Variants in PIP5K1B observed in about 807,000 individuals in gnomAD.
PIP5K1B encodes phosphatidylinositol 4-phosphate 5-kinase type-1 beta.
A neutral mutation model predicts 67.0 loss-of-function variants in PIP5K1B; 42 were observed. That is an observed-to-expected ratio of 0.63 (90% CI 0.49 to 0.81). The LOEUF (loss-of-function observed/expected upper bound fraction) is 0.81. PIP5K1B is among the 30% of genes least tolerant of loss of function. The probability of loss-of-function intolerance (pLI) is 0.00; values close to 1 mark genes in which losing one functional copy is unlikely to be tolerated. For missense variants in PIP5K1B, 459 were observed against 646.3 expected (o/e 0.71, Z 3.14); for synonymous variants, 214 against 231.4 (o/e 0.92, Z 0.68).
At chr9:68,934,311 C>T (rs187872366) in intron 12 of PIP5K1B, among the ~76,000 whole-genome samples, 40 of 152,254 alleles carry the variant, frequency 2.6e-4, no homozygotes, top group Admixed American at 1.0e-3. Context: ...ATACGTCTGA[C>T]ATAAAACCAT....
chr9:68,939,125 G>A lies in PIP5K1B; in HGVS notation c.1358-1521G>A, dbSNP rs116193177. Among the ~76,000 whole-genome samples, 1,082 of 152,246 alleles carry A rather than the reference G, an allele frequency of 7.1e-3. 16 individuals carry two copies. The highest frequency in any genetic ancestry group is 0.024 in the African/African-American group (1,017 of 41,530). On this transcript the variant is annotated intron_variant, in intron 13 of 15. Coordinates refer to ENST00000265382, the MANE Select transcript of PIP5K1B (RefSeq NM_003558.4). ...AATTTACAAGAGTGTGGGTCATTACGGGTCATCTTAGAGTTCTACCTACGA... is the reference window on the plus strand; with the variant it reads ...AATTTACAAGAGTGTGGGTCATTACAGGTCATCTTAGAGTTCTACCTACGA...
intron 14 of PIP5K1B, among the ~76,000 whole-genome samples, chr9:68,981,427 T>C (rs1004100590): frequency 1.1e-4 from 12 of 110,040 alleles, no homozygotes; most frequent in African/African-American, 4.3e-4. Context: ...CAGAAAATAT[T>C]AAAAGAGAAA....
Position 68,840,963 on chromosome 9 carries a change from A to T in PIP5K1B, c.69+18280A>T, listed in dbSNP as rs1299920259. ...CTCTGTGCATCTGCAGCTCTTTGTT[A>T]TGCCTTTGTCATTACTGTCAGTCTG... On this transcript the variant is annotated intron_variant, in intron 4 of 15. Coordinates refer to ENST00000265382, the MANE Select transcript of PIP5K1B (RefSeq NM_003558.4). Among the ~76,000 whole-genome samples the T allele has an allele frequency of 2.0e-5, 3 of 152,296 alleles. No individual in the cohort carries two copies. In the East Asian group the frequency reaches 5.8e-4, roughly 29 times the overall value.
intron 8 of PIP5K1B, 37 bp downstream of exon 8, chr9:68,894,675 C>T: frequency 6.3e-7 from 1 of 1,585,710 alleles, no homozygotes; most frequent in Non-Finnish European, 8.6e-7. Context: ...CCTTTGAACT[C>T]TGTGCTCATG....
intron 15 of PIP5K1B, among the ~76,000 whole-genome samples, chr9:68,992,002 G>A (rs1446376592): frequency 6.6e-6 from 1 of 151,934 alleles, no homozygotes; most frequent in Non-Finnish European, 1.5e-5. Context: ...TTTTGCTCTT[G>A]TTGCCCAGGC....
chr9:68,812,695 A>C (rs1279325223), intron 2 of PIP5K1B, among the ~76,000 whole-genome samples: 1 of 152,232 alleles, frequency 6.6e-6, no homozygotes, highest in African/African-American at 2.4e-5. Context: ...CCACTGTCCA[A>C]TTCTTATCAA....
intron 8 of PIP5K1B, among the ~76,000 whole-genome samples, chr9:68,915,388 C>G (rs1005137649): frequency 2.0e-5 from 3 of 152,228 alleles, no homozygotes; most frequent in Non-Finnish European, 4.4e-5. Context: ...GGTTAAGGCC[C>G]TTCTACCACT....
At chr9:69,000,128 TTG>T (rs1191455020) in intron 15 of PIP5K1B, among the ~76,000 whole-genome samples, 1 of 152,140 alleles carries the variant, frequency 6.6e-6, no homozygotes, top group African/African-American at 2.4e-5. Context: ...CCAGTTCTGC[TTG>T]AGCCTTTTTG....
intron 6 of PIP5K1B, among the ~76,000 whole-genome samples, chr9:68,879,901 G>T (rs1032018303): frequency 6.6e-6 from 1 of 152,192 alleles, no homozygotes; most frequent in African/African-American, 2.4e-5. Context: ...TAGCTTAATT[G>T]AGCCATTCCA....
intron 12 of PIP5K1B, among the ~76,000 whole-genome samples, chr9:68,924,947 A>G (rs1162057114): frequency 6.6e-6 from 1 of 152,156 alleles, no homozygotes; most frequent in Non-Finnish European, 1.5e-5. Flanking sequence ...TCTATACTTT[A>G]TGTATTTACG....
chr9:68,749,809 C>G (rs1829530192), intron 2 of PIP5K1B, among the ~76,000 whole-genome samples: 1 of 152,140 alleles, frequency 6.6e-6, no homozygotes, highest in Non-Finnish European at 1.5e-5. Context: ...GTAGTTCCTT[C>G]CCCCTAGTTA....
chr9:68,978,566 G>A (rs1436879769), intron 14 of PIP5K1B, among the ~76,000 whole-genome samples: 1 of 152,214 alleles, frequency 6.6e-6, no homozygotes, highest in Non-Finnish European at 1.5e-5. Context: ...AGCTCCCTAA[G>A]TTGGTGTTCT....
In PIP5K1B at chr9:68,932,994, G is replaced by A. The variant is rs1827075670; in HGVS notation, c.1202-1896G>A. 2.0e-5 allele frequency among the ~76,000 whole-genome samples: 3 copies of A among 152,108 alleles called. No individual in the cohort carries two copies. In the South Asian group the frequency reaches 6.2e-4, roughly 32 times the overall value. ...GCATGCCTGTAATCCCAGCTACTCA[G>A]GAAGCTGAGGCAGGAGAATTGCTTG... On this transcript the variant is annotated intron_variant, in intron 12 of 15. Coordinates refer to ENST00000265382, the MANE Select transcript of PIP5K1B (RefSeq NM_003558.4).
intron 14 of PIP5K1B, among the ~76,000 whole-genome samples, chr9:68,986,498 C>T (rs1399185926): frequency 6.6e-6 from 1 of 151,928 alleles, no homozygotes; most frequent in Non-Finnish European, 1.5e-5. Context: ...TCTCGATGAG[C>T]CTCATTTTTG....
At position 69,008,478 on chromosome 9, in the gene PIP5K1B, G is replaced by T. The variant is rs1302514664; in HGVS notation, c.*29G>T. On this transcript the variant is annotated 3_prime_UTR_variant, in exon 16 of 16. Transcript: ENST00000265382. ...AAAATGGTGATCACCTAAGCACATG[G>T]ATGAGACGTGAGCACAGTTATGGCA... 3.7e-6 allele frequency: 6 copies of T among 1,611,552 alleles called. No individual in the cohort carries two copies. The East Asian group carries it at 1.3e-4, about 36-fold the overall frequency.
At chr9:68,992,948 G>C (rs1171700925) in intron 15 of PIP5K1B, among the ~76,000 whole-genome samples, 1 of 151,416 alleles carries the variant, frequency 6.6e-6, no homozygotes, top group Non-Finnish European at 1.5e-5. Context: ...CAGGAGGTCA[G>C]GAGTTCGAGA....
rs928134249 is a variant in PIP5K1B, at chr9:68,793,635, A to G, written c.-85-24826A>G. On this transcript the variant is annotated intron_variant, in intron 2 of 15. Transcript: ENST00000265382. ...CTGAAATATGGAAATCTATGGGTGG[A>G]GTAGGATATTTTTTGGTGGGGGGAG... 5.3e-5 allele frequency among the ~76,000 whole-genome samples: 8 copies of G among 152,166 alleles called. 1 individual carries two copies. In the South Asian group the frequency reaches 1.7e-3, roughly 32 times the overall value.
At chr9:68,725,893 G>A (rs1052130898) in intron 1 of PIP5K1B, among the ~76,000 whole-genome samples, 1 of 152,178 alleles carries the variant, frequency 6.6e-6, no homozygotes, top group East Asian at 1.9e-4. Context: ...GTATGTGGTA[G>A]CCAACTTATC....
At chr9:68,820,690 T>G (rs1833691026) in intron 3 of PIP5K1B, among the ~76,000 whole-genome samples, 1 of 152,218 alleles carries the variant, frequency 6.6e-6, no homozygotes, top group Admixed American at 6.5e-5. Context: ...TTCCTTGGTG[T>G]ATTAAATGTT....
Sources: allele counts gnomAD v4.1 joint callset (sites outside exome capture counted in the v4.1 genomes callset), GRCh38; gene constraint gnomAD v4.1.1; transcripts MANE v1.5; gene names NCBI Gene and HGNC (gene_info 2026-07-23, HGNC 2026-07-21).